DPPA2: variants seen among roughly 807,000 people sequenced by gnomAD.
DPPA2 encodes developmental pluripotency associated 2, also known as developmental pluripotency-associated protein 2.
DPPA2 carries 26 observed loss-of-function variants against 36.2 expected under a neutral mutation model. That is an observed-to-expected ratio of 0.72 (90% CI 0.53 to 1.00). The LOEUF (loss-of-function observed/expected upper bound fraction) is 1.00. Among genes scored for constraint, DPPA2 ranks in the 50% least tolerant of loss-of-function variants. The probability of loss-of-function intolerance (pLI) is 0.00; values close to 1 mark genes in which losing one functional copy is unlikely to be tolerated. For synonymous variants in DPPA2, 113 were observed against 123.2 expected (o/e 0.92, Z 0.55); for missense variants, 361 against 365.1 (o/e 0.99, Z 0.09).
At chr3:109,307,433 C>T (rs1441329154) in intron 6 of DPPA2, among the ~76,000 whole-genome samples, 1 of 151,604 alleles carries the variant, frequency 6.6e-6, no homozygotes, top group Non-Finnish European at 1.5e-5. Context: ...GAAACCCCCT[C>T]TCTACTAAAA....
chr3:109,301,769 G>A (rs1490986711), intron 7 of DPPA2, among the ~76,000 whole-genome samples: 7 of 152,068 alleles, frequency 4.6e-5, no homozygotes, highest in Admixed American at 4.6e-4. Flanking sequence ...GACAGAGAGA[G>A]ACGAAAAGAA....
intron 2 of DPPA2, among the ~76,000 whole-genome samples, 188 bp from the exon 3 acceptor site, chr3:109,312,880 A>AC (rs1299595615): frequency 2.0e-5 from 3 of 152,226 alleles, no homozygotes; most frequent in Admixed American, 6.5e-5. Flanking sequence ...ATGGAAAAAA[A>AC]CGGGCAAAAG....
chr3:109,310,653 G>A (rs1477189298), intron 3 of DPPA2, among the ~76,000 whole-genome samples: 2 of 151,286 alleles, frequency 1.3e-5, no homozygotes, highest in East Asian at 2.0e-4. Context: ...CTACAGGCAC[G>A]CGCCACCATG....
intron 8 of DPPA2, among the ~76,000 whole-genome samples, chr3:109,299,664 C>A (rs1300692918): frequency 7.5e-6 from 1 of 133,804 alleles, no homozygotes; most frequent in African/African-American, 2.9e-5. Flanking sequence ...CCAGCCTGGG[C>A]GACAAGAATG....
intron 2 of DPPA2, among the ~76,000 whole-genome samples, chr3:109,313,723 C>T (rs1314482245): frequency 6.6e-6 from 1 of 152,186 alleles, no homozygotes; most frequent in African/African-American, 2.4e-5. Context: ...GCAATATTCT[C>T]TTCTAGTGCT....
At chr3:109,305,437 T>G (rs373663819) in intron 6 of DPPA2, among the ~76,000 whole-genome samples, 3 of 152,204 alleles carry the variant, frequency 2.0e-5, no homozygotes, top group African/African-American at 7.2e-5. Context: ...ACCACTACAT[T>G]GTACTGCCTC....
intron 3 of DPPA2, among the ~76,000 whole-genome samples, chr3:109,311,143 G>T (rs1237612512): frequency 1.7e-4 from 26 of 152,070 alleles, no homozygotes; most frequent in Admixed American, 1.7e-3. Context: ...TTTCTTTTAT[G>T]CTACATATAG....
At chr3:109,301,015 A>C in intron 7 of DPPA2, among the ~76,000 whole-genome samples, 3 of 142,404 alleles carry the variant, frequency 2.1e-5, no homozygotes, top group Non-Finnish European at 3.0e-5. Context: ...ACAGGTTCTC[A>C]CTCTGCTGCC....
chr3:109,307,891 G>A, intron 6 of DPPA2, 141 bp downstream of exon 6: 2 of 1,143,082 alleles, frequency 1.7e-6, no homozygotes, highest in Non-Finnish European at 2.4e-6. Context: ...ACAGATAGAA[G>A]AAAGATGTCC....
Position 109,304,600 on chromosome 3 carries a change from A to C in DPPA2, c.729T>G (p.Phe243Leu), listed in dbSNP as rs1707516236. The change falls in exon 7 of 9, where the codon TTT (phenylalanine) becomes TTG (leucine). Residue 243 changes from phenylalanine (F) to leucine (L), a missense_variant. By Grantham distance (22) the Phe-to-Leu change is conservative. Transcript: ENST00000478945. ...TAGGCACCCAGGCCTGACCTGCATGAAACTGCAGGCGTACCCAACCCTTTG... is the reference window on the plus strand; with the variant it reads ...TAGGCACCCAGGCCTGACCTGCATGCAACTGCAGGCGTACCCAACCCTTTG... Reference protein sequence around the residue: ...ADTKGWVRLQFHAGQAWVPTT... With the variant: ...ADTKGWVRLQLHAGQAWVPTT... 1 of 1,614,104 alleles carries C rather than the reference A, an allele frequency of 6.2e-7. No individual in the cohort carries two copies. Among genetic ancestry groups the C allele is most frequent in the East Asian group, 2.2e-5 (1 of 44,860 alleles).
At chr3:109,300,500 T>G (rs981509756) in intron 7 of DPPA2, 65 bp from the exon 8 acceptor site, 1 of 1,498,880 alleles carries the variant, frequency 6.7e-7, no homozygotes, top group Non-Finnish European at 9.3e-7. Context: ...CCCTTACCAA[T>G]CCCTTTAAAA....
chr3:109,299,695 AAAAAAGAAAAAG>A lies in DPPA2; in HGVS notation c.*22+664_*22+675del, dbSNP rs1277348502. Among the ~76,000 whole-genome samples the A allele has an allele frequency of 1.8e-3, 275 of 150,138 alleles. 1 individual carries two copies. Among genetic ancestry groups the A allele is most frequent in the African/African-American group, 6.4e-3 (260 of 40,388 alleles). Reference sequence around the variant, plus strand: ...GAATGAGACCCCGTCTCAAAAAAAAAAAAAAGAAAAAGAAAAAGAAAAAGAAAAAAGAATAAT... The same window carrying A: ...GAATGAGACCCCGTCTCAAAAAAAAAAAAAAGAAAAAGAAAAAAGAATAAT... On this transcript the variant is annotated intron_variant, in intron 8 of 8. Transcript: ENST00000478945.
In DPPA2 at chr3:109,300,431, T is replaced by C; in HGVS notation, c.859A>G (p.Lys287Glu). The C allele has an allele frequency of 6.2e-7, 1 of 1,613,980 alleles. No homozygotes were observed. Among genetic ancestry groups the C allele is most frequent in the Non-Finnish European group, 8.5e-7 (1 of 1,179,884 alleles). Residue 287 changes from lysine (K) to glutamate (E), a missense_variant, in exon 8 of 9, where the codon AAG becomes GAG. Coordinates refer to ENST00000478945, the MANE Select transcript of DPPA2 (RefSeq NM_138815.4). ...GTCATTAATCTTTTCATCATCTTCT[T>C]ATTCCTGTAAGGCAAGTAGAAAAGA... The part of the protein sequence containing the change: ...MLCPDCAKRN[K>E]KMMKRLMTVE...
Position 109,304,344 on chromosome 3 carries a change from T to G in DPPA2, c.854+131A>C, listed in dbSNP as rs1377918992. The G allele has an allele frequency of 3.4e-6, 3 of 883,890 alleles. No individual in the cohort carries two copies. The African/African-American group carries it at 5.2e-5, about 15-fold the overall frequency. The allele number at this position is 883,890 out of a possible 1,614,324, so 54.8% of individuals were successfully genotyped here. Reference sequence around the variant, plus strand: ...AGTGAGTTCTTCTTGCATCCTATTTTTGCCTGATCTATGTGGCAAATTAAG... The same window carrying G: ...AGTGAGTTCTTCTTGCATCCTATTTGTGCCTGATCTATGTGGCAAATTAAG... On this transcript the variant is annotated intron_variant, in intron 7 of 8. Coordinates refer to ENST00000478945, the MANE Select transcript of DPPA2 (RefSeq NM_138815.4).
At chr3:109,307,603 CAAAAAA>C (rs769445059) in intron 6 of DPPA2, among the ~76,000 whole-genome samples, 1 of 43,826 alleles carries the variant, frequency 2.3e-5, no homozygotes, top group Non-Finnish European at 5.0e-5. Flanking sequence ...AACTCCATCT[CAAAAAA>C]AAAAAAAAAA....
At chr3:109,296,397 G>A (rs1707351572) in intron 8 of DPPA2, among the ~76,000 whole-genome samples, 2 of 152,232 alleles carry the variant, frequency 1.3e-5, no homozygotes, top group African/African-American at 4.8e-5. Context: ...AAACAAAGCT[G>A]GGCGTGGTGG....
rs375066904 is a variant in DPPA2, at chr3:109,308,302, G to T, written c.397-9C>A. On this transcript the variant is annotated splice_polypyrimidine_tract_variant and intron_variant, in intron 5 of 8. Transcript: ENST00000478945. ...GACATTTCAGGCATATCCTGCAAAT[G>T]AAATTCACGATGAGTATTCAGTAAA... is the stretch of plus-strand genomic sequence containing the variant. 24 of 1,613,682 alleles carry T rather than the reference G, an allele frequency of 1.5e-5. No individual in the cohort carries two copies. The highest frequency in any genetic ancestry group is 1.9e-5 in the Non-Finnish European group (23 of 1,179,884).
At position 109,309,192 on chromosome 3, in the gene DPPA2, A is replaced by T. The variant is rs767742863; in HGVS notation, c.320T>A (p.Leu107His). Residue 107 changes from leucine to histidine, a missense_variant, in exon 4 of 9, where the codon CTC (leucine) becomes CAC (histidine). Physicochemically the swap from Leu to His is moderately conservative, Grantham distance 99 (BLOSUM62 -3). Coordinates refer to ENST00000478945, the MANE Select transcript of DPPA2 (RefSeq NM_138815.4). The part of the protein sequence containing the change: ...RDTLRDWCQQ[L>H]GLSTNGKKIE... ...AACCTTGCCATTAGTACTCAAACCG[A>T]GTTGTTGACACCAGTCCCGCAAAGT... 176 of 1,613,976 alleles carry T rather than the reference A, an allele frequency of 1.1e-4. No individual in the cohort carries two copies. The highest frequency in any genetic ancestry group is 4.5e-4 in the Admixed American group (27 of 59,984).
chr3:109,311,791 T>A (rs146054981), intron 3 of DPPA2, among the ~76,000 whole-genome samples: 7 of 152,072 alleles, frequency 4.6e-5, no homozygotes, highest in African/African-American at 1.4e-4. Flanking sequence ...GATGCTTTTA[T>A]AGGAAGCACT....
Sources: allele counts gnomAD v4.1 joint callset (sites outside exome capture counted in the v4.1 genomes callset), GRCh38; gene constraint gnomAD v4.1.1; transcripts MANE v1.5; gene names NCBI Gene and HGNC (gene_info 2026-07-23, HGNC 2026-07-21).